Variants in GNB5 observed in about 807,000 individuals in gnomAD.
GNB5 encodes guanine nucleotide-binding protein subunit beta-5.
In GNB5, 37 loss-of-function variants were observed where a neutral mutation model predicts 55.3. The ratio of observed to expected loss-of-function variants is 0.67; its 90% CI spans 0.51 to 0.88. The LOEUF (loss-of-function observed/expected upper bound fraction) is 0.88. Ranked by LOEUF, GNB5 falls within the 40% of genes least tolerant of loss-of-function variation. GNB5 has a pLI of 0.00. For synonymous variants in GNB5, 219 were observed against 198.5 expected, an observed-to-expected ratio of 1.10 and a Z score of -0.87; for missense variants, 476 against 515.3, an observed-to-expected ratio of 0.92 and a Z score of 0.74.
intron 3 of GNB5, among the ~76,000 whole-genome samples, chr15:52,161,923 T>C (rs1342330951): frequency 1.3e-5 from 2 of 152,234 alleles, no homozygotes; most frequent in East Asian, 3.8e-4. Flanking sequence ...CTTTGGCTCA[T>C]GGACAAAATC....
chr15:52,127,306 T>C (rs1399910167), intron 10 of GNB5, among the ~76,000 whole-genome samples: 5 of 152,192 alleles, frequency 3.3e-5, no homozygotes, highest in Non-Finnish European at 7.4e-5. Context: ...TTGAAAATAT[T>C]TTCAGGTGTT....
chr15:52,129,635 G>C (rs2033523542), intron 9 of GNB5, among the ~76,000 whole-genome samples: 1 of 152,146 alleles, frequency 6.6e-6, no homozygotes, highest in Non-Finnish European at 1.5e-5. Flanking sequence ...CCTTCTGCTG[G>C]TAGGAAGTTC....
chr15:52,151,602 T>C (rs144681029), intron 4 of GNB5, among the ~76,000 whole-genome samples: 121 of 152,324 alleles, frequency 7.9e-4, no homozygotes, highest in Non-Finnish European at 1.3e-3. Flanking sequence ...CACCTCTTCC[T>C]GCTCTGGAGC....
intron 8 of GNB5, 65 bp downstream of exon 8, chr15:52,135,548 G>T: frequency 7.1e-7 from 1 of 1,408,574 alleles, no homozygotes; most frequent in South Asian, 1.2e-5. Flanking sequence ...GAATGGACAA[G>T]AACTGCCACC....
chr15:52,166,129 CAAG>C (rs1385821659), intron 3 of GNB5, among the ~76,000 whole-genome samples: 5 of 152,178 alleles, frequency 3.3e-5, no homozygotes, highest in African/African-American at 4.8e-5. Flanking sequence ...TTCAATTCAA[CAAG>C]AAGAGCTAAC....
chr15:52,164,097 T>G (rs1327345073), intron 3 of GNB5, among the ~76,000 whole-genome samples: 1 of 123,098 alleles, frequency 8.1e-6, no homozygotes, highest in Non-Finnish European at 1.8e-5. Flanking sequence ...AGGTCAGGAG[T>G]TCAAGACCAG....
chr15:52,137,706 G>A (rs531769862), intron 7 of GNB5: 1 of 1,186,620 alleles, frequency 8.4e-7, no homozygotes, highest in Admixed American at 3.6e-5. Context: ...ACCTTCCTGG[G>A]ATTGGGAGAA....
At chr15:52,180,003 A>G (rs1013452572) in intron 2 of GNB5, 124 bp from the exon 3 acceptor site, 3 of 1,227,510 alleles carry the variant, frequency 2.4e-6, no homozygotes, top group Non-Finnish European at 3.1e-6. Context: ...CTCCGCGATG[A>G]CGCCAGCAGC....
chr15:52,141,476 C>G (rs1017369441), intron 6 of GNB5, among the ~76,000 whole-genome samples: 3 of 150,492 alleles, frequency 2.0e-5, no homozygotes, highest in Admixed American at 2.0e-4. Context: ...CTCTGTTGGC[C>G]AGGTTGGTCT....
intron 3 of GNB5, among the ~76,000 whole-genome samples, chr15:52,161,640 TAG>T (rs906361784): frequency 1.3e-5 from 2 of 152,204 alleles, no homozygotes; most frequent in Non-Finnish European, 2.9e-5. Flanking sequence ...GTCACAGAGC[TAG>T]AGAGCCTAGA....
chr15:52,162,772 G>A (rs1478391740), intron 3 of GNB5: 1 of 152,138 alleles, frequency 6.6e-6, no homozygotes, highest in African/African-American at 2.4e-5. Flanking sequence ...GTGCAATGGT[G>A]TTTACTACTA....
Position 52,183,094 on chromosome 15 carries a change from G to A in GNB5, c.126+1457C>T, listed in dbSNP as rs145482690. On this transcript the variant is annotated intron_variant, in intron 2 of 12. Coordinates refer to ENST00000261837, the MANE Select transcript of GNB5 (RefSeq NM_016194.4). ...TTGAACCCTGGAGTCAGAGGTTGCA[G>A]TGAGCCGAGATCGTGCCACTGCTTC... Among the ~76,000 whole-genome samples, 1,412 of 152,326 alleles carry A rather than the reference G, an allele frequency of 9.3e-3. 26 individuals carry two copies. The highest frequency in any genetic ancestry group is 0.033 in the African/African-American group (1,355 of 41,572).
intron 12 of GNB5, 103 bp downstream of exon 12, chr15:52,124,370 G>T: frequency 1.1e-6 from 1 of 905,002 alleles, no homozygotes; most frequent in Non-Finnish European, 1.7e-6. Context: ...GGCTGACCAG[G>T]CCCACCTGAG....
chr15:52,179,088 G>A (rs937367360), intron 3 of GNB5, among the ~76,000 whole-genome samples: 12 of 152,168 alleles, frequency 7.9e-5, no homozygotes, highest in Non-Finnish European at 8.8e-5. Flanking sequence ...TCTGAATTAC[G>A]GTGGTGGTGG....
At position 52,167,745 on chromosome 15, in the gene GNB5, TA is replaced by T. The variant is rs1398948844; in HGVS notation, c.238+12022del. On this transcript the variant is annotated intron_variant, in intron 3 of 12. Transcript: ENST00000261837. ...TGAACATTGGTGCAAAAATCATCAA[TA>T]AATGATTCCCAATACTGGGAAACTG... Among the ~76,000 whole-genome samples the T allele has an allele frequency of 2.6e-5, 4 of 151,630 alleles. No homozygotes were observed. The East Asian group carries it at 7.7e-4, about 29-fold the overall frequency.
rs890674126 is a variant in GNB5 at position 52,120,179 on chromosome 15, C to A, written c.*2578G>T. 3.9e-5 allele frequency: 6 copies of A among 152,310 alleles called. No homozygotes were observed. In the East Asian group the frequency reaches 1.2e-3, roughly 29 times the overall value. 9.4% of individuals were successfully genotyped at this position (152,310 alleles called of 1,614,324 possible). A position where few individuals can be genotyped will look rare whatever the true frequency, so the allele number is the denominator to read the frequency against. Reference sequence around the variant, plus strand: ...CCCCTGGGGGCCCATCTGTTTGGCCCCTTCACCACAATTGGTTTGGTAGGT... The same window carrying A: ...CCCCTGGGGGCCCATCTGTTTGGCCACTTCACCACAATTGGTTTGGTAGGT... On this transcript the variant is annotated 3_prime_UTR_variant, in exon 13 of 13. Transcript: ENST00000261837.
chr15:52,128,617 T>C (rs781041929), intron 9 of GNB5: 5 of 508,348 alleles, frequency 9.8e-6, no homozygotes, highest in Non-Finnish European at 1.9e-5. Context: ...AAAGCCACAT[T>C]GGATGTCTGC....
At chr15:52,143,416 G>C (rs772223868) in intron 6 of GNB5, among the ~76,000 whole-genome samples, 5 of 152,172 alleles carry the variant, frequency 3.3e-5, no homozygotes, top group South Asian at 2.1e-4. Flanking sequence ...TTGTGATCTT[G>C]GTTACGTATT....
Position 52,179,891 on chromosome 15 carries a change from G to A in GNB5, c.127-12C>T, listed in dbSNP as rs764006579. 7 of 1,520,512 alleles carry A rather than the reference G, an allele frequency of 4.6e-6. No homozygotes were observed. The highest frequency in any genetic ancestry group is 1.2e-5 in the South Asian group (1 of 82,054). 94.2% of individuals were successfully genotyped at this position (1,520,512 alleles called of 1,614,324 possible). ...CCCTCGGTTGCCATCTTCGCGCGGG[G>A]ACGCAGCGGAGAGGGAAGCGGAGAG... On this transcript the variant is annotated splice_polypyrimidine_tract_variant and intron_variant, in intron 2 of 12. Coordinates refer to ENST00000261837, the MANE Select transcript of GNB5 (RefSeq NM_016194.4).
Sources: allele counts gnomAD v4.1 joint callset (sites outside exome capture counted in the v4.1 genomes callset), GRCh38; gene constraint gnomAD v4.1.1; transcripts MANE v1.5; gene names NCBI Gene and HGNC (gene_info 2026-07-23, HGNC 2026-07-21).